Variants in ELF2 observed in about 807,000 individuals in gnomAD.
ELF2 encodes ETS-related transcription factor Elf-2.
Under a neutral mutation model 54.8 loss-of-function variants are expected in ELF2, and 11 were observed. The ratio of observed to expected loss-of-function variants is 0.20; its 90% CI spans 0.13 to 0.33. ELF2 has a LOEUF of 0.33. Ranked by LOEUF, ELF2 falls within the 10% of genes least tolerant of loss-of-function variation. The pLI, the probability that ELF2 is intolerant of heterozygous loss-of-function variation, is 1.00. For synonymous variants in ELF2, 203 were observed against 245.1 expected (o/e 0.83, Z 1.61); for missense variants, 513 against 703.0 (o/e 0.73, Z 3.06).
intron 4 of ELF2, among the ~76,000 whole-genome samples, chr4:139,118,519 G>T (rs183984428): frequency 4.5e-4 from 68 of 152,292 alleles, no homozygotes; most frequent in Admixed American, 1.9e-3. Flanking sequence ...GCCAGATTAT[G>T]AAGGATTACT....
chr4:139,159,192 A>AC (rs1560880863), intron 1 of ELF2, among the ~76,000 whole-genome samples: 1 of 152,048 alleles, frequency 6.6e-6, no homozygotes, highest in African/African-American at 2.4e-5. Flanking sequence ...GCAGGGGCAA[A>AC]CCCCCGAGCT....
At chr4:139,153,699 C>A (rs1740246756) in intron 1 of ELF2, among the ~76,000 whole-genome samples, 1 of 152,144 alleles carries the variant, frequency 6.6e-6, no homozygotes, top group South Asian at 2.1e-4. Flanking sequence ...TTCACCCTGA[C>A]AATATAAATT....
At chr4:139,076,729 G>A (rs1162064195) in intron 4 of ELF2, among the ~76,000 whole-genome samples, 1 of 151,968 alleles carries the variant, frequency 6.6e-6, no homozygotes, top group African/African-American at 2.4e-5. Context: ...CATATTACGT[G>A]CCCTGAATTC....
In ELF2 at chr4:139,071,902, A is replaced by G. The variant is rs1221388169; in HGVS notation, c.490T>C (p.Ser164Pro). Residue 164 changes from serine to proline, a missense_variant, in exon 6 of 10, where the codon TCA (serine) becomes CCA (proline). Around this residue, in one of 3 missense-constraint regions of ELF2, gnomAD observed 203 missense variants for 245.9 expected, o/e 0.83. Coordinates refer to ENST00000686138, the MANE Select transcript of ELF2 (RefSeq NM_001331036.3). ...TTCATTGGTTCATGGCTATCTGGTG[A>G]TGTTGGAATAGGAGAGGTATCCATG... is the stretch of plus-strand genomic sequence containing the variant. ...EPMDTSPIPTSPDSHEPMKKK... is the reference protein window; with the variant it reads ...EPMDTSPIPTPPDSHEPMKKK... The G allele has an allele frequency of 3.1e-6, 5 of 1,606,694 alleles. No homozygotes were observed. In the East Asian group the frequency reaches 8.9e-5, roughly 29 times the overall value.
At chr4:139,163,157 G>A (rs1006687717) in intron 1 of ELF2, among the ~76,000 whole-genome samples, 6 of 151,912 alleles carry the variant, frequency 3.9e-5, no homozygotes, top group Non-Finnish European at 8.8e-5. Flanking sequence ...TGCTTCCTAG[G>A]TTTTCATTAA....
intron 4 of ELF2, among the ~76,000 whole-genome samples, chr4:139,087,465 T>C (rs1429043757): frequency 6.6e-6 from 1 of 151,736 alleles, no homozygotes; most frequent in Non-Finnish European, 1.5e-5. Flanking sequence ...TTTTTTGTTT[T>C]TGTTTTTGTT....
chr4:139,124,728 T>G (rs1194633926), intron 4 of ELF2, among the ~76,000 whole-genome samples: 1 of 152,130 alleles, frequency 6.6e-6, no homozygotes, highest in Non-Finnish European at 1.5e-5. Flanking sequence ...CAATGATGCT[T>G]CTGATATTAA....
intron 1 of ELF2, among the ~76,000 whole-genome samples, chr4:139,162,285 G>A (rs573145637): frequency 3.9e-4 from 60 of 152,188 alleles, no homozygotes; most frequent in African/African-American, 9.1e-4. Flanking sequence ...TTGGGAGGCC[G>A]AGGAGGGCAG....
At position 139,139,393 on chromosome 4, in the gene ELF2, C is replaced by T; in HGVS notation, c.-167+20G>A. ...CTATTCCCAATATATATAATAATAG[C>T]AGAAATAAATTTTACTTACAGTTTG... On this transcript the variant is annotated intron_variant, in intron 2 of 9. Transcript: ENST00000686138. The T allele has an allele frequency of 8.7e-7, 1 of 1,155,626 alleles. No homozygotes were observed. The highest frequency in any genetic ancestry group is 1.1e-6 in the Non-Finnish European group (1 of 919,664). 71.6% of individuals were successfully genotyped at this position (1,155,626 alleles called of 1,614,324 possible).
Position 139,073,488 on chromosome 4 carries a change from T to C in ELF2, c.318A>G (p.Glu106=), listed in dbSNP as rs753445850. ...TTGAATCCCTCAAGCAGGTAGGAGA[T>C]TCCATATGAAGCAGGGCTTCAGCAG... The part of the protein sequence containing the change: ...IEAAEALLHM[E]SPTCLRDSRS... Residue 106 remains glutamate (E), a synonymous_variant, in exon 5 of 10, where the codon GAA becomes GAG. Coordinates refer to ENST00000686138, the MANE Select transcript of ELF2 (RefSeq NM_001331036.3). 73 of 1,608,922 alleles carry C rather than the reference T, an allele frequency of 4.5e-5. No individual in the cohort carries two copies. Among genetic ancestry groups the C allele is most frequent in the Non-Finnish European group, 5.8e-5 (68 of 1,176,650 alleles).
At chr4:139,086,419 A>G (rs1042025046) in intron 4 of ELF2, among the ~76,000 whole-genome samples, 3 of 152,240 alleles carry the variant, frequency 2.0e-5, no homozygotes, top group African/African-American at 7.2e-5. Context: ...ACAGAAGTGC[A>G]GTCTACAGAT....
intron 7 of ELF2, chr4:139,066,442 T>A (rs1019858114): frequency 1.3e-5 from 2 of 151,610 alleles, no homozygotes; most frequent in Admixed American, 6.6e-5. Context: ...ACTCTGTTTC[T>A]ACAAAAGATT....
chr4:139,151,014 GCTC>G (rs1739826533), intron 1 of ELF2, among the ~76,000 whole-genome samples: 1 of 105,264 alleles, frequency 9.5e-6, no homozygotes, highest in African/African-American at 4.5e-5. Context: ...ACGGAACGAG[GCTC>G]CATCTCAAAA....
Position 139,076,453 on chromosome 4 carries a change from C to T in ELF2, c.239-2886G>A, listed in dbSNP as rs371393239. ...CACATACACTAAGAAAAAAAAAAAA[C>T]CTTCAATTCTCCAGTTTTTAAAATT... On this transcript the variant is annotated intron_variant, in intron 4 of 9. Transcript: ENST00000686138. Among the ~76,000 whole-genome samples the T allele has an allele frequency of 3.7e-4, 56 of 151,652 alleles. No homozygotes were observed. In the South Asian group the frequency reaches 0.011, roughly 31 times the overall value.
chr4:139,107,931 A>C (rs1560819133), intron 4 of ELF2, among the ~76,000 whole-genome samples: 1 of 152,042 alleles, frequency 6.6e-6, no homozygotes, highest in Non-Finnish European at 1.5e-5. Flanking sequence ...TGTAAACCTT[A>C]CCAAGTTGTG....
At chr4:139,175,006 T>C (rs908529066) in intron 1 of ELF2, among the ~76,000 whole-genome samples, 2 of 152,212 alleles carry the variant, frequency 1.3e-5, no homozygotes, top group African/African-American at 4.8e-5. Context: ...CAGATACCGA[T>C]GGACAATTGT....
At chr4:139,064,330 G>A (rs1560755295) in intron 7 of ELF2, among the ~76,000 whole-genome samples, 1 of 152,108 alleles carries the variant, frequency 6.6e-6, no homozygotes, top group Non-Finnish European at 1.5e-5. Flanking sequence ...AAAAAGAACA[G>A]AAAAGAGTCC....
chr4:139,060,275 A>C, intron 9 of ELF2, 49 bp downstream of exon 9: 2 of 1,460,248 alleles, frequency 1.4e-6, no homozygotes, highest in Non-Finnish European at 1.8e-6. Flanking sequence ...CACCACGGAG[A>C]CTTTTTTAAA....
chr4:139,176,636 G>A (rs1245462094), intron 1 of ELF2, among the ~76,000 whole-genome samples: 2 of 152,078 alleles, frequency 1.3e-5, no homozygotes, highest in African/African-American at 4.8e-5. Flanking sequence ...GACCAGCTGC[G>A]CTCGGCCCAT....
Sources: gnomAD v4.1 joint callset for allele counts (sites outside exome capture counted in the v4.1 genomes callset) on GRCh38, gnomAD v4.1.1 for gene constraint, gnomAD v4.1.1 regional missense constraint, MANE v1.5 for transcripts, NCBI Gene and HGNC (gene_info 2026-07-23, HGNC 2026-07-21) for gene names.